BAALC: variants seen among roughly 807,000 people sequenced by gnomAD.
BAALC encodes the protein brain and acute leukemia cytoplasmic protein.
BAALC carries 9 observed loss-of-function variants against 15.5 expected under a neutral mutation model. That is an observed-to-expected ratio of 0.58 (90% CI 0.35 to 1.02). The LOEUF (loss-of-function observed/expected upper bound fraction) is 1.02, where lower values mean the gene tolerates loss of function less well. BAALC is among the 50% of genes least tolerant of loss of function. BAALC has a pLI of 0.02. For synonymous variants in BAALC, 80 were observed against 74.6 expected (o/e 1.07, Z -0.37); for missense variants, 201 against 192.4 (o/e 1.04, Z -0.27).
At chr8:103,172,271 G>T (rs972819210) in intron 1 of BAALC, 9 of 151,376 alleles carry the variant, frequency 5.9e-5, no homozygotes, top group African/African-American at 2.2e-4. Flanking sequence ...GGTTGTTGGT[G>T]AATTACAACT....
chr8:103,188,352 G>A (rs1811891834), intron 1 of BAALC, among the ~76,000 whole-genome samples: 1 of 152,146 alleles, frequency 6.6e-6, no homozygotes, highest in Non-Finnish European at 1.5e-5. Context: ...AGAATGCTGA[G>A]TGTGACTGGC....
chr8:103,187,370 C>A (rs749339783), intron 1 of BAALC, among the ~76,000 whole-genome samples: 17 of 152,118 alleles, frequency 1.1e-4, no homozygotes, highest in Non-Finnish European at 2.4e-4. Context: ...CGGGTAGAGA[C>A]CAGGGGTGCT....
intron 1 of BAALC, among the ~76,000 whole-genome samples, chr8:103,190,712 T>A (rs755820906): frequency 6.6e-6 from 1 of 152,194 alleles, no homozygotes; most frequent in Non-Finnish European, 1.5e-5. Flanking sequence ...ACATGATTTA[T>A]AAGGACTTCA....
At chr8:103,208,162 C>CG in intron 1 of BAALC, 1 of 152,364 alleles carries the variant, frequency 6.6e-6, no homozygotes, top group Non-Finnish European at 1.5e-5. Context: ...GGGCAAGAGG[C>CG]GGGGATAGGC....
At chr8:103,168,742 G>C (rs886954174) in intron 1 of BAALC, among the ~76,000 whole-genome samples, 1 of 151,960 alleles carries the variant, frequency 6.6e-6, no homozygotes, top group Non-Finnish European at 1.5e-5. Context: ...GATTTCCTTA[G>C]CCTCTCTCCT....
At chr8:103,187,113 C>T (rs1430571107) in intron 1 of BAALC, among the ~76,000 whole-genome samples, 1 of 152,250 alleles carries the variant, frequency 6.6e-6, no homozygotes, top group African/African-American at 2.4e-5. Context: ...GAAAGTGCCC[C>T]CTCCCTCGAT....
chr8:103,218,666 G>A (rs1812614075), intron 2 of BAALC, among the ~76,000 whole-genome samples: 3 of 152,082 alleles, frequency 2.0e-5, no homozygotes, highest in Admixed American at 2.0e-4. Flanking sequence ...GCCTTCCAGG[G>A]AACCCTCCTG....
intron 1 of BAALC, among the ~76,000 whole-genome samples, chr8:103,206,545 A>G: frequency 6.6e-6 from 1 of 152,104 alleles, no homozygotes; most frequent in East Asian, 1.9e-4. Context: ...GTCAAACCCC[A>G]CTAGAAGCCG....
rs200317135 is a variant in BAALC at position 103,212,981 on chromosome 8, C to A, written c.223C>A (p.Pro75Thr). The A allele has an allele frequency of 1.8e-5, 29 of 1,614,140 alleles. No individual in the cohort carries two copies. The East Asian group carries it at 5.6e-4, about 31-fold the overall frequency. Residue 75 changes from proline to threonine, a missense_variant, in exon 2 of 3, where the codon CCC (proline) becomes ACC (threonine). By Grantham distance (38) the Pro-to-Thr change is conservative. Transcript: ENST00000309982. ...CCGATCTACAGCCCCAGGTGGAATA[C>A]CCAACCCAGAGAAGAAGACGAACTG... ...VPRSTAPGGI[P>T]NPEKKTNCET...
At chr8:103,146,535 A>T (rs1300629050) in intron 1 of BAALC, among the ~76,000 whole-genome samples, 1 of 152,240 alleles carries the variant, frequency 6.6e-6, no homozygotes, top group Admixed American at 6.5e-5. Flanking sequence ...CATTTCACAC[A>T]CAGTCCTATC....
At chr8:103,151,019 ATT>A (rs3041482) in intron 1 of BAALC, among the ~76,000 whole-genome samples, 51,493 of 142,596 alleles carry the variant, frequency 0.36, 9,883 homozygotes, top group East Asian at 0.46. Flanking sequence ...AAAGAATTTG[ATT>A]TTTTTTTTTT....
intron 1 of BAALC, among the ~76,000 whole-genome samples, chr8:103,184,822 G>A (rs62527651): frequency 0.073 from 11,169 of 152,274 alleles, 572 homozygotes; most frequent in Non-Finnish European, 0.12. Context: ...AGCTGCTAAC[G>A]ACCAGGATGC....
chr8:103,213,243 AC>A, intron 2 of BAALC, 158 bp downstream of exon 2: 1 of 760,942 alleles, frequency 1.3e-6, no homozygotes, highest in Non-Finnish European at 2.0e-6. Flanking sequence ...ATTGCTGCAA[AC>A]CCCACCCCAA....
At chr8:103,154,294 G>A (rs1168034578) in intron 1 of BAALC, among the ~76,000 whole-genome samples, 2 of 152,016 alleles carry the variant, frequency 1.3e-5, no homozygotes, top group African/African-American at 4.8e-5. Context: ...AGTGGGGTGG[G>A]GTTTGGAACT....
intron 1 of BAALC, among the ~76,000 whole-genome samples, chr8:103,177,973 A>G (rs1811642775): frequency 6.6e-6 from 1 of 152,212 alleles, no homozygotes; most frequent in South Asian, 2.1e-4. Flanking sequence ...GCTCAAGATC[A>G]CTGTGTGTTC....
intron 1 of BAALC, among the ~76,000 whole-genome samples, chr8:103,143,886 A>C (rs374607418): frequency 3.3e-5 from 5 of 152,252 alleles, no homozygotes; most frequent in African/African-American, 1.2e-4. Flanking sequence ...CTTGCTACTG[A>C]GGTTTTCCCA....
At chr8:103,195,996 T>C (rs1426023667) in intron 1 of BAALC, among the ~76,000 whole-genome samples, 4 of 152,044 alleles carry the variant, frequency 2.6e-5, no homozygotes, top group African/African-American at 7.2e-5. Flanking sequence ...GGTGCCCCTT[T>C]CCCAAAAATT....
chr8:103,142,686 G>GGT lies in BAALC; in HGVS notation c.160+1640_160+1641dup, dbSNP rs556104348. Among the ~76,000 whole-genome samples the GGT allele has an allele frequency of 2.3e-3, 352 of 152,188 alleles. 1 individual carries two copies. Among genetic ancestry groups the GGT allele is most frequent in the African/African-American group, 7.8e-3 (324 of 41,506 alleles). On this transcript the variant is annotated intron_variant, in intron 1 of 2. Transcript: ENST00000309982. ...GTTGCCGTGGTGACTGGGAGTATATGGTGTGTGTGTGTATGTGCGTATATG... is the reference window on the plus strand; with the variant it reads ...GTTGCCGTGGTGACTGGGAGTATATGGTGTGTGTGTGTGTATGTGCGTATATG...
intron 1 of BAALC, chr8:103,183,435 G>C (rs1254373892): frequency 1.4e-6 from 1 of 702,888 alleles, no homozygotes; most frequent in Non-Finnish European, 2.6e-6. Context: ...GGTTCAAGAA[G>C]GACTGTGCAG....
Sources: gnomAD v4.1 joint callset for allele counts (sites outside exome capture counted in the v4.1 genomes callset) on GRCh38, gnomAD v4.1.1 for gene constraint, MANE v1.5 for transcripts, NCBI Gene and HGNC (gene_info 2026-07-23, HGNC 2026-07-21) for gene names.